Variants in LHX8 observed in about 807,000 individuals in gnomAD.
The protein encoded by LHX8 is LIM/homeobox protein Lhx8.
LHX8 carries 12 observed loss-of-function variants against 40.3 expected under a neutral mutation model. The ratio of observed to expected loss-of-function variants is 0.30; its 90% CI spans 0.19 to 0.48. The LOEUF (loss-of-function observed/expected upper bound fraction) is 0.48, where lower values mean the gene tolerates loss of function less well. Ranked by LOEUF, LHX8 falls within the 20% of genes least tolerant of loss-of-function variation. LHX8 has a pLI of 0.99. For synonymous variants in LHX8, 179 were observed against 162.0 expected (o/e 1.10, Z -0.80); for missense variants, 344 against 433.7 (o/e 0.79, Z 1.84).
chr1:75,173,604 G>A, the LHX8 span, among the ~76,000 whole-genome samples: 3 of 151,894 alleles, frequency 2.0e-5, no homozygotes, highest in South Asian at 2.1e-4. Flanking sequence ...AGATGGTCTC[G>A]ATCTCGTGAC....
chr1:75,163,845 C>A (rs994267415), downstream of LHX8, among the ~76,000 whole-genome samples: 43 of 152,072 alleles, frequency 2.8e-4, no homozygotes, highest in Admixed American at 1.2e-3. Context: ...GAGGGAAGAA[C>A]CCTTGCAAAT....
chr1:75,144,015 C>T, intron 6 of LHX8, 67 bp downstream of exon 6: 1 of 1,180,676 alleles, frequency 8.5e-7, no homozygotes, highest in Non-Finnish European at 1.3e-6. Context: ...AAGTAACCTC[C>T]ATGCTGCCCA....
At chr1:75,141,282 G>A (rs1317341451) in intron 4 of LHX8, among the ~76,000 whole-genome samples, 176 bp downstream of exon 4, 1 of 152,122 alleles carries the variant, frequency 6.6e-6, no homozygotes, top group Non-Finnish European at 1.5e-5. Context: ...AAATAAGCAT[G>A]TTTATCCTTT....
chr1:75,165,479 G>A (rs1649012930), downstream of LHX8, among the ~76,000 whole-genome samples: 3 of 152,166 alleles, frequency 2.0e-5, no homozygotes, highest in South Asian at 6.2e-4. Context: ...TTTCTAAATT[G>A]TCATCAAGTA....
the LHX8 span, among the ~76,000 whole-genome samples, chr1:75,173,406 C>T: frequency 8.5e-4 from 86 of 100,596 alleles, no homozygotes; most frequent in African/African-American, 3.3e-3. Context: ...TTTTTTGAGA[C>T]GGAATCTCGT....
At chr1:75,138,647 G>A (rs748567154) in intron 3 of LHX8, among the ~76,000 whole-genome samples, 6 of 152,066 alleles carry the variant, frequency 3.9e-5, no homozygotes, top group Non-Finnish European at 7.4e-5. Context: ...AATAATTACC[G>A]TAATCTTTAA....
At chr1:75,163,847 C>A (rs1456810090), downstream of LHX8, among the ~76,000 whole-genome samples, 3 of 152,126 alleles carry the variant, frequency 2.0e-5, no homozygotes, top group African/African-American at 7.2e-5. Flanking sequence ...GGGAAGAACC[C>A]TTGCAAATGG....
the LHX8 span, among the ~76,000 whole-genome samples, chr1:75,192,513 C>A: frequency 6.6e-6 from 1 of 152,158 alleles, no homozygotes; most frequent in African/African-American, 2.4e-5. Flanking sequence ...TACTGAGGCA[C>A]CTGTCAAAAT....
In LHX8 at chr1:75,136,675, G is replaced by T; in HGVS notation, c.61G>T (p.Gly21Trp). Residue 21 changes from glycine (G) to tryptophan (W), a missense_variant, in exon 2 of 9, where the codon GGG becomes TGG. Gly to Trp is a radical substitution (Grantham distance 184). This residue lies in a region of LHX8 where 108 missense variants were observed against 90.1 expected (regional missense o/e 1.20). Transcript: ENST00000356261. ...LAAGRTRKGA[G>W]EEGLVSPEGA... ...GGCCGGGAGGACTCGCAAAGGCGCC[G>T]GGGAAGAGGGACTGGTGAGTGCGGA... The T allele has an allele frequency of 6.5e-7, 1 of 1,546,340 alleles. No homozygotes were observed.
At chr1:75,183,874 A>G in the LHX8 span, among the ~76,000 whole-genome samples, 1 of 152,222 alleles carries the variant, frequency 6.6e-6, no homozygotes, top group African/African-American at 2.4e-5. Flanking sequence ...TGCTGTTTTC[A>G]AAACACCCAT....
chr1:75,159,722 C>T (rs990090699), intron 8 of LHX8: 10 of 151,980 alleles, frequency 6.6e-5, no homozygotes, highest in Admixed American at 3.3e-4. Context: ...TATTTGTCTT[C>T]TTATTTGCTA....
At chr1:75,135,038 G>A (rs894815459) in intron 1 of LHX8, 84 bp downstream of exon 1, 2 of 584,542 alleles carry the variant, frequency 3.4e-6, no homozygotes, top group Non-Finnish European at 4.3e-6. Context: ...GCTGTCGGGT[G>A]GAACCGGAGA....
intron 7 of LHX8, among the ~76,000 whole-genome samples, chr1:75,153,610 C>A (rs1648674518): frequency 6.6e-6 from 1 of 151,778 alleles, no homozygotes; most frequent in Admixed American, 6.6e-5. Flanking sequence ...TGGGGTTTCA[C>A]CATGTTGGCC....
At chr1:75,165,884 G>C (rs1426455302), downstream of LHX8, among the ~76,000 whole-genome samples, 3 of 152,280 alleles carry the variant, frequency 2.0e-5, no homozygotes, top group East Asian at 1.9e-4. Context: ...CATGGAATGG[G>C]AGACAGCTGG....
At chr1:75,159,726 T>C (rs796772822) in intron 8 of LHX8, 6 of 152,286 alleles carry the variant, frequency 3.9e-5, no homozygotes, top group African/African-American at 1.4e-4. Flanking sequence ...TGTCTTCTTA[T>C]TTGCTATTGC....
chr1:75,192,532 C>T, the LHX8 span, among the ~76,000 whole-genome samples: 2 of 152,224 alleles, frequency 1.3e-5, no homozygotes, highest in Admixed American at 1.3e-4. Flanking sequence ...ATCAGTGCCC[C>T]TTCCTGGACC....
At chr1:75,153,841 G>T (rs1475299662) in intron 7 of LHX8, among the ~76,000 whole-genome samples, 2 of 152,126 alleles carry the variant, frequency 1.3e-5, no homozygotes, top group East Asian at 1.9e-4. Flanking sequence ...GGGAGATAGG[G>T]TTTTATCTAT....
chr1:75,132,768 C>CACACAT (rs922538717), upstream of LHX8: 1 of 151,832 alleles, frequency 6.6e-6, no homozygotes, highest in African/African-American at 2.4e-5. Flanking sequence ...CACACACACA[C>CACACAT]ACACACACAC....
chr1:75,155,972 G>T (rs1241228898), intron 7 of LHX8, among the ~76,000 whole-genome samples: 1 of 151,546 alleles, frequency 6.6e-6, no homozygotes, highest in Non-Finnish European at 1.5e-5. Context: ...AAGTCCAGCA[G>T]GTGCCTAAGA....
Sources: allele counts gnomAD v4.1 joint callset (sites outside exome capture counted in the v4.1 genomes callset), GRCh38; gene constraint gnomAD v4.1.1; regional missense constraint gnomAD v4.1.1; transcripts MANE v1.5; gene names NCBI Gene and HGNC (gene_info 2026-07-23, HGNC 2026-07-21).